Variants in DIXDC1 observed in about 807,000 individuals in gnomAD.
DIXDC1 encodes the protein DIX domain containing 1, also known as dixin.
DIXDC1 carries 64 observed loss-of-function variants against 103.1 expected under a neutral mutation model. That is an observed-to-expected ratio of 0.62 (90% CI 0.51 to 0.76). The LOEUF (loss-of-function observed/expected upper bound fraction) is 0.76. Among genes scored for constraint, DIXDC1 ranks in the 30% least tolerant of loss-of-function variants. DIXDC1 has a pLI of 0.00. For missense variants in DIXDC1, 759 were observed against 834.2 expected (o/e 0.91, Z 1.11); for synonymous variants, 266 against 298.5 (o/e 0.89, Z 1.12).
At chr11:111,956,686 C>T (rs1213867763) in intron 1 of DIXDC1, among the ~76,000 whole-genome samples, 3 of 152,076 alleles carry the variant, frequency 2.0e-5, no homozygotes, top group African/African-American at 4.8e-5. Context: ...GACGAGGTTT[C>T]ACCACGTTGG....
rs1555175581 is a variant in DIXDC1 at position 111,998,058 on chromosome 11, G to T, written c.1756+1912G>T. 3.3e-5 allele frequency among the ~76,000 whole-genome samples: 5 copies of T among 152,074 alleles called. No homozygotes were observed. The highest frequency in any genetic ancestry group is 1.5e-5 in the Non-Finnish European group (1 of 68,018). Reference sequence around the variant, plus strand: ...TACTTTGCTTAGTGTTCTTCTTGTTGGGTCTCTGTTGACTTTCTTGTCGCC... The same window carrying T: ...TACTTTGCTTAGTGTTCTTCTTGTTTGGTCTCTGTTGACTTTCTTGTCGCC... On this transcript the variant is annotated intron_variant, in intron 17 of 19. Transcript: ENST00000440460. The surrounding 1 kb of genome is among the most constrained non-coding windows in gnomAD (Gnocchi z 4.1).
At chr11:112,014,224 G>A (rs889235544) in intron 17 of DIXDC1, among the ~76,000 whole-genome samples, 2 of 152,110 alleles carry the variant, frequency 1.3e-5, no homozygotes, top group African/African-American at 2.4e-5. Flanking sequence ...ACTTTGCTGC[G>A]AGATCAACTT....
chr11:112,009,194 C>T (rs1013313564), intron 17 of DIXDC1, among the ~76,000 whole-genome samples: 1 of 152,176 alleles, frequency 6.6e-6, no homozygotes, highest in Admixed American at 6.5e-5. Flanking sequence ...CGCAAATAAA[C>T]TAGAAAATCT....
At position 111,986,817 on chromosome 11, in the gene DIXDC1, G is replaced by C. The variant is rs147514078; in HGVS notation, c.1009-54G>C. 12,329 of 1,493,140 alleles carry C rather than the reference G, an allele frequency of 8.3e-3. 67 individuals are homozygous for C. The highest frequency in any genetic ancestry group is 0.025 in the Middle Eastern group (145 of 5,864). 92.5% of individuals were successfully genotyped at this position (1,493,140 alleles called of 1,614,324 possible). A position where few individuals can be genotyped will look rare whatever the true frequency, so the allele number is the denominator to read the frequency against. ...TCAATAAATATTTGTTGAATGAGTGGCTCTGTACTTCACAGCATAGGTGCT... is the reference window on the plus strand; with the variant it reads ...TCAATAAATATTTGTTGAATGAGTGCCTCTGTACTTCACAGCATAGGTGCT... On this transcript the variant is annotated intron_variant, in intron 8 of 19. Coordinates refer to ENST00000440460, the MANE Select transcript of DIXDC1 (RefSeq NM_001037954.4).
chr11:112,010,488 T>C (rs1861381816), intron 17 of DIXDC1, among the ~76,000 whole-genome samples: 1 of 152,234 alleles, frequency 6.6e-6, no homozygotes, highest in Non-Finnish European at 1.5e-5. Flanking sequence ...AGAGCCCACA[T>C]TGCCAAGGCA....
At position 112,020,900 on chromosome 11, in the gene DIXDC1, A is replaced by C. The variant is rs1393232647; in HGVS notation, c.*1864A>C. 6.6e-6 allele frequency: 1 copy of C among 152,266 alleles called. No homozygotes were observed. The highest frequency in any genetic ancestry group is 1.5e-5 in the Non-Finnish European group (1 of 68,044). The allele number at this position is 152,266 out of a possible 1,614,324, so 9.4% of individuals were successfully genotyped here. ...GCATTTCGAAAGCAAACAGAAGAAA[A>C]AAGTATATTCTCACAGTTTTTCCCC... On this transcript the variant is annotated 3_prime_UTR_variant, in exon 20 of 20. Transcript: ENST00000440460.
intron 17 of DIXDC1, among the ~76,000 whole-genome samples, chr11:111,999,691 C>T (rs113144366): frequency 6.6e-6 from 1 of 151,764 alleles, no homozygotes; most frequent in Non-Finnish European, 1.5e-5. Flanking sequence ...ATGGTGAAAC[C>T]CTGTCTCTGC....
At chr11:111,964,311 C>T (rs989321027) in intron 1 of DIXDC1, among the ~76,000 whole-genome samples, 1 of 152,162 alleles carries the variant, frequency 6.6e-6, no homozygotes, top group Non-Finnish European at 1.5e-5. Flanking sequence ...GTCTACAGTG[C>T]CACCCAAGTC....
At chr11:111,933,544 C>T (rs991349815), upstream of DIXDC1, among the ~76,000 whole-genome samples, 11 of 152,140 alleles carry the variant, frequency 7.2e-5, no homozygotes, top group African/African-American at 1.7e-4. Context: ...ATCCTCCCAC[C>T]TCAGCCTCCT....
chr11:111,937,491 G>C lies in DIXDC1; in HGVS notation c.-9G>C, dbSNP rs781837160. ...GGAGACCCCGCCCGGGGAGCCCCCA[G>C]CAGGAACAATGCTAGCCTGCCTGAC... On this transcript the variant is annotated 5_prime_UTR_variant, in exon 1 of 20. Coordinates refer to ENST00000440460, the MANE Select transcript of DIXDC1 (RefSeq NM_001037954.4). 72 of 1,580,190 alleles carry C rather than the reference G, an allele frequency of 4.6e-5. No individual in the cohort carries two copies. Among genetic ancestry groups the C allele is most frequent in the Non-Finnish European group, 6.0e-5 (70 of 1,163,696 alleles).
chr11:112,018,954 A>G lies in DIXDC1; in HGVS notation c.1972-2A>G. ...ACTGTGGCTTTTTGTTTTTTTCTCT[A>G]GATTTTCCATGATGATGATGCCATC... On this transcript the variant is annotated splice_acceptor_variant, in intron 19 of 19. Transcript: ENST00000440460. LOFTEE classifies it high-confidence loss of function. The G allele has an allele frequency of 6.2e-7, 1 of 1,612,828 alleles. No individual in the cohort carries two copies. Among genetic ancestry groups the G allele is most frequent in the Non-Finnish European group, 8.5e-7 (1 of 1,179,284 alleles).
intron 1 of DIXDC1, among the ~76,000 whole-genome samples, chr11:111,964,217 G>A (rs587717568): frequency 6.6e-6 from 1 of 152,328 alleles, no homozygotes; most frequent in East Asian, 1.9e-4. Context: ...GTGGTTCTGG[G>A]CCAAGCCCTC....
chr11:111,977,913 C>G lies in DIXDC1; in HGVS notation c.657-2824C>G. On this transcript the variant is annotated intron_variant, in intron 5 of 19. Transcript: ENST00000440460. This position sits in a 1 kb window ranked among gnomAD's most constrained non-coding sequence, Gnocchi z 6.1. ...GGTGGGAGCATTATGTTGGGAGGACCGGCTGCTGACCAGGGGTTATCACTA... is the reference window on the plus strand; with the variant it reads ...GGTGGGAGCATTATGTTGGGAGGACGGGCTGCTGACCAGGGGTTATCACTA... 1 of 1,354,130 alleles carries G rather than the reference C, an allele frequency of 7.4e-7. No homozygotes were observed. The highest frequency in any genetic ancestry group is 9.8e-7 in the Non-Finnish European group (1 of 1,019,948). The allele number at this position is 1,354,130 out of a possible 1,614,324, so 83.9% of individuals were successfully genotyped here. A position where few individuals can be genotyped will look rare whatever the true frequency, so the allele number is the denominator to read the frequency against.
intron 2 of DIXDC1, among the ~76,000 whole-genome samples, chr11:111,931,333 T>C (rs1220062656): frequency 1.3e-5 from 2 of 151,482 alleles, no homozygotes; most frequent in African/African-American, 2.4e-5. Flanking sequence ...AGTGAGACAC[T>C]GTCTCAAAAA....
intron 6 of DIXDC1, 144 bp downstream of exon 6, chr11:111,980,993 T>G: frequency 1.7e-6 from 1 of 578,094 alleles, no homozygotes; most frequent in East Asian, 3.0e-5. Context: ...CTCTAATGAC[T>G]TTGAGCCAAT....
chr11:111,942,748 A>G (rs1036229279), intron 1 of DIXDC1, among the ~76,000 whole-genome samples: 2 of 152,182 alleles, frequency 1.3e-5, no homozygotes, highest in Non-Finnish European at 2.9e-5. Flanking sequence ...TTTCTGATAT[A>G]TTATCTTTTG....
intron 3 of DIXDC1, among the ~76,000 whole-genome samples, chr11:111,968,891 C>T (rs1859820791): frequency 6.6e-6 from 1 of 152,098 alleles, no homozygotes; most frequent in South Asian, 2.1e-4. Context: ...TCTCCTGCCT[C>T]AGCCTCCCAA....
rs1386019024 is a variant in DIXDC1, at chr11:111,995,584, A to G, written c.1689+20A>G. 1.9e-6 allele frequency: 3 copies of G among 1,613,272 alleles called. No individual in the cohort carries two copies. The highest frequency in any genetic ancestry group is 1.7e-5 in the Admixed American group (1 of 60,004). On this transcript the variant is annotated intron_variant, in intron 16 of 19. Coordinates refer to ENST00000440460, the MANE Select transcript of DIXDC1 (RefSeq NM_001037954.4). ...AGAAAGGTAACCCTCTTGCTGTGGT[A>G]TCTCTCTTAGGCAAGCTCCTGAGAA...
chr11:111,937,234 G>T (rs1471136213), upstream of DIXDC1: 1 of 1,183,332 alleles, frequency 8.5e-7, no homozygotes. Context: ...GGGGCAGCCC[G>T]GCAGCGCCGC....
Sources: gnomAD v4.1 joint callset for allele counts (sites outside exome capture counted in the v4.1 genomes callset) on GRCh38, gnomAD v4.1.1 for gene constraint, Gnocchi (gnomAD v3.1) non-coding constraint, MANE v1.5 for transcripts, NCBI Gene and HGNC (gene_info 2026-07-23, HGNC 2026-07-21) for gene names.